The following FLG variants were observed in gnomAD, a reference collection of about 807,000 sequenced individuals.
FLG encodes the protein filaggrin, also known as epidermal filaggrin.
Under a neutral mutation model 3.8 loss-of-function variants are expected in FLG, and 6 were observed. The observed-to-expected ratio is 1.60, with a 90% CI of 0.87 to 3.15. The LOEUF (loss-of-function observed/expected upper bound fraction) is 3.15. Among genes scored for constraint, FLG ranks in the 30% most tolerant of loss-of-function variants. The pLI, the probability that FLG is intolerant of heterozygous loss-of-function variation, is 0.00. For missense variants in FLG, 7,595 were observed against 5,050.9 expected, an observed-to-expected ratio of 1.50 and a Z score of -15.27; for synonymous variants, 2,551 against 1,931.6, an observed-to-expected ratio of 1.32 and a Z score of -8.41.
chr1:152,309,309 T>A lies in FLG; in HGVS notation c.5577A>T (p.Ser1859=). 6.2e-7 allele frequency: 1 copy of A among 1,613,836 alleles called. No individual in the cohort carries two copies. The highest frequency in any genetic ancestry group is 8.5e-7 in the Non-Finnish European group (1 of 1,179,960). ...TTTGTCTGCTGACACTTCTGGATCC[T>A]GACTGCCCACGGGAGACATCAGACC... ...QERSDVSRGQ[S]GSRSVSRQTR... is the part of the protein sequence containing the mutation. Residue 1859 remains serine, a synonymous_variant, in exon 3 of 3, where the codon TCA becomes TCT. Coordinates refer to ENST00000368799, the MANE Select transcript of FLG (RefSeq NM_002016.2).
chr1:152,308,343 A>G lies in FLG; in HGVS notation c.6543T>C (p.Arg2181=), dbSNP rs1373048142. ...TTGCACTTCTGGATCCTGACTGCCC[A>G]CGGGAGGCATCAGACCTTCCCTGGG... The part of the protein sequence containing the change: ...TTSQGRSDAS[R]GQSGSRSASR... Residue 2181 remains arginine (R), a synonymous_variant, in exon 3 of 3, where the codon CGT becomes CGC. Coordinates refer to ENST00000368799, the MANE Select transcript of FLG (RefSeq NM_002016.2). 2 of 1,613,252 alleles carry G rather than the reference A, an allele frequency of 1.2e-6. No individual in the cohort carries two copies. The highest frequency in any genetic ancestry group is 1.7e-6 in the Non-Finnish European group (2 of 1,179,808).
Position 152,308,974 on chromosome 1 carries a change from G to A in FLG, c.5912C>T (p.Ala1971Val). 1 of 1,614,130 alleles carries A rather than the reference G, an allele frequency of 6.2e-7. No individual in the cohort carries two copies. The highest frequency in any genetic ancestry group is 1.3e-5 in the African/African-American group (1 of 75,046). The change falls in exon 3 of 3, where the codon GCA (alanine) becomes GTA (valine). Residue 1971 changes from alanine (A) to valine (V), a missense_variant. Coordinates refer to ENST00000368799, the MANE Select transcript of FLG (RefSeq NM_002016.2). ...AGTGCCTGATTGTCTGGAGCTGTCT[G>A]CAGAGTGCCCGTGACCGGCTCTGTC... Reference protein sequence around the residue: ...HEDRAGHGHSADSSRQSGTRH... With the variant: ...HEDRAGHGHSVDSSRQSGTRH...
intron 1 of FLG, among the ~76,000 whole-genome samples, chr1:152,318,510 T>C (rs570679777): frequency 2.0e-5 from 3 of 151,964 alleles, no homozygotes; most frequent in African/African-American, 7.2e-5. Flanking sequence ...TACTAACCTC[T>C]CTTCTACTCA....
At position 152,308,401 on chromosome 1, in the gene FLG, C is replaced by G. The variant is rs748258789; in HGVS notation, c.6485G>C (p.Gly2162Ala). 43 of 1,613,876 alleles carry G rather than the reference C, an allele frequency of 2.7e-5. No individual in the cohort carries two copies. In the South Asian group the frequency reaches 4.3e-4, roughly 16 times the overall value. Residue 2162 changes from glycine (G) to alanine (A), a missense_variant, in exon 3 of 3, where the codon GGA (glycine) becomes GCA (alanine). By Grantham distance (60) the Gly-to-Ala change is moderately conservative (BLOSUM62 0). Transcript: ENST00000368799. Reference sequence around the variant, plus strand: ...GTGGCTGTGATGAGACCCTGAGTGTCCAGACCTATCTACCGATTGCTCTTG... The same window carrying G: ...GTGGCTGTGATGAGACCCTGAGTGTGCAGACCTATCTACCGATTGCTCTTG... ...SHQEQSVDRSGHSGSHHSHTT... is the reference protein window; with the variant it reads ...SHQEQSVDRSAHSGSHHSHTT...
chr1:152,323,698 T>C (rs1653053444), intron 1 of FLG, among the ~76,000 whole-genome samples: 1 of 151,576 alleles, frequency 6.6e-6, no homozygotes, highest in Admixed American at 6.6e-5. Flanking sequence ...TTTTATGTAC[T>C]GCTGGAGGCA....
At position 152,309,913 on chromosome 1, in the gene FLG, G is replaced by T. The variant is rs1337387965; in HGVS notation, c.4973C>A (p.Ala1658Glu). ...AGCCTGTCCACCAGAGGAAGTCTCT[G>T]CATGACGAGTGCCTGATTGTCTGGA... ...ESSRQSGTRH[A>E]ETSSGGQAAS... The change falls in exon 3 of 3, where the codon GCA becomes GAA. Residue 1658 changes from alanine to glutamate, a missense_variant. Physicochemically the swap from Ala to Glu is moderately radical, Grantham distance 107. Coordinates refer to ENST00000368799, the MANE Select transcript of FLG (RefSeq NM_002016.2). 1 of 1,614,122 alleles carries T rather than the reference G, an allele frequency of 6.2e-7. No homozygotes were observed. The highest frequency in any genetic ancestry group is 8.5e-7 in the Non-Finnish European group (1 of 1,180,032).
rs138381300 is a variant in FLG at position 152,312,600 on chromosome 1, C to A, written c.2286G>T (p.Val762=). 8 of 1,613,684 alleles carry A rather than the reference C, an allele frequency of 5.0e-6. No homozygotes were observed. Among genetic ancestry groups the A allele is most frequent in the African/African-American group, 2.7e-5 (2 of 74,750 alleles). Residue 762 remains valine, a synonymous_variant, in exon 3 of 3, where the codon GTG becomes GTT. Transcript: ENST00000368799. ...GHSEDSDTQS[V]SGHGQAGHHQ... is the part of the protein sequence containing the mutation. ...GGTGACCAGCCTGTCCATGGCCTGA[C>A]ACTGACTGTGTGTCTGAGTCTTCTG...
intron 1 of FLG, 75 bp from the exon 2 acceptor site, chr1:152,315,552 C>T (rs1652759862): frequency 4.2e-6 from 5 of 1,178,436 alleles, no homozygotes; most frequent in South Asian, 4.2e-5. Flanking sequence ...TCATTTTCCA[C>T]ATTTTAAACC....
Position 152,314,698 on chromosome 1 carries a change from A to G in FLG, c.188T>C (p.Ile63Thr), listed in dbSNP as rs759395508. ...MVDVFMDHLDIDHNKKIDFTE... is the reference protein window; with the variant it reads ...MVDVFMDHLDTDHNKKIDFTE... ...GAAGTCAATTTTCTTGTTGTGGTCT[A>G]TATCCAAGTGATCCATGAAGACATC... is the stretch of plus-strand genomic sequence containing the variant. The change falls in exon 3 of 3, where the codon ATA becomes ACA. Residue 63 changes from isoleucine to threonine, a missense_variant. Physicochemically the swap from Ile to Thr is moderately conservative, Grantham distance 89. Coordinates refer to ENST00000368799, the MANE Select transcript of FLG (RefSeq NM_002016.2). 3.1e-6 allele frequency: 5 copies of G among 1,613,894 alleles called. No individual in the cohort carries two copies. Among genetic ancestry groups the G allele is most frequent in the Non-Finnish European group, 4.2e-6 (5 of 1,179,924 alleles).
At position 152,312,737 on chromosome 1, in the gene FLG, C is replaced by G. The variant is rs746879739; in HGVS notation, c.2149G>C (p.Ala717Pro). 3 of 1,614,026 alleles carry G rather than the reference C, an allele frequency of 1.9e-6. No homozygotes were observed. Among genetic ancestry groups the G allele is most frequent in the Non-Finnish European group, 2.5e-6 (3 of 1,180,034 alleles). The stretch of plus-strand genomic sequence containing the variant: ...GTGCCTGAGTGTCTGGAGCTGTCTG[C>G]TGACTGGAGCTGGTGGCGGGATCCA... ...RHGSRHQLQSADSSRHSGTGH... is the reference protein window; with the variant it reads ...RHGSRHQLQSPDSSRHSGTGH... Residue 717 changes from alanine to proline, a missense_variant, in exon 3 of 3, where the codon GCA becomes CCA. By Grantham distance (27) the Ala-to-Pro change is conservative. Coordinates refer to ENST00000368799, the MANE Select transcript of FLG (RefSeq NM_002016.2).
Position 152,309,536 on chromosome 1 carries a change from G to A in FLG, c.5350C>T (p.Pro1784Ser). 6.2e-7 allele frequency: 1 copy of A among 1,613,784 alleles called. No homozygotes were observed. Among genetic ancestry groups the A allele is most frequent in the Non-Finnish European group, 8.5e-7 (1 of 1,179,948 alleles). Reference protein sequence around the residue: ...QSESAHGRTGPSTGGRQRSRH... With the variant: ...QSESAHGRTGSSTGGRQRSRH... ...GATCTTTGTCTTCCTCCAGTGCTGG[G>A]CCCTGTGCGTCCATGGGCGGACTCA... Residue 1784 changes from proline (P) to serine (S), a missense_variant, in exon 3 of 3, where the codon CCC becomes TCC. Physicochemically the swap from Pro to Ser is moderately conservative, Grantham distance 74. Transcript: ENST00000368799.
rs749546444 is a variant in FLG, at chr1:152,311,960, C to G, written c.2926G>C (p.Glu976Gln). ...TGTCTGGAGCCATGTCTTGACTGCTCCTGAGCAGATCCACGATGGTTTCTG... is the reference window on the plus strand; with the variant it reads ...TGTCTGGAGCCATGTCTTGACTGCTGCTGAGCAGATCCACGATGGTTTCTG... ...ASRNHRGSAQ[E>Q]QSRHGSRHPR... The change falls in exon 3 of 3, where the codon GAG becomes CAG. Residue 976 changes from glutamate to glutamine, a missense_variant. By Grantham distance (29) the Glu-to-Gln change is conservative. Transcript: ENST00000368799. 14 of 1,614,062 alleles carry G rather than the reference C, an allele frequency of 8.7e-6. No individual in the cohort carries two copies. In the East Asian group the frequency reaches 2.7e-4, roughly 31 times the overall value.
At position 152,306,257 on chromosome 1, in the gene FLG, G is replaced by C. The variant is rs1374537916; in HGVS notation, c.8629C>G (p.Gln2877Glu). The change falls in exon 3 of 3, where the codon CAA (glutamine) becomes GAA (glutamate). Residue 2877 changes from glutamine to glutamate, a missense_variant. By Grantham distance (29) the Gln-to-Glu change is conservative. Transcript: ENST00000368799. ...ISRHSQAVQG[Q>E]SEGSRRSRRQ... is the part of the protein sequence containing the mutation. ...CTGCTTCTCCTGGACCCCTCTGATT[G>C]TCCCTGGACTGCCTGTGAGTGTCTA... 1 of 1,605,182 alleles carries C rather than the reference G, an allele frequency of 6.2e-7. No individual in the cohort carries two copies. The highest frequency in any genetic ancestry group is 2.2e-5 in the East Asian group (1 of 44,890).
rs141653633 is a variant in FLG at position 152,309,164 on chromosome 1, G to A, written c.5722C>T (p.Pro1908Ser). The change falls in exon 3 of 3, where the codon CCC becomes TCC. Residue 1908 changes from proline to serine, a missense_variant. Coordinates refer to ENST00000368799, the MANE Select transcript of FLG (RefSeq NM_002016.2). ...SQVGQGQSSG[P>S]RTSRNQGSSV... ...GATCCCTGGTTCCTGCTTGTCCTGG[G>A]CCCTGATGATTGTCCCTGGCCCACC... 1,727 of 1,613,146 alleles carry A rather than the reference G, an allele frequency of 1.1e-3. 18 individuals are homozygous for A. The African/African-American group carries it at 0.019, about 18-fold the overall frequency.
chr1:152,312,153 T>A lies in FLG; in HGVS notation c.2733A>T (p.Ser911=). Residue 911 remains serine (S), a synonymous_variant, in exon 3 of 3, where the codon TCA becomes TCT. Transcript: ENST00000368799. ...QSRDGSRHSG[S]RHHEASSHAD... is the part of the protein sequence containing the mutation. ...CATGAGAGGAAGCTTCATGGTGACG[T>A]GACCCTGAGTGCCTGGAGCCGTCTC... 1 of 1,596,602 alleles carries A rather than the reference T, an allele frequency of 6.3e-7. No individual in the cohort carries two copies. The highest frequency in any genetic ancestry group is 8.5e-7 in the Non-Finnish European group (1 of 1,177,890).
chr1:152,309,792 C>A lies in FLG; in HGVS notation c.5094G>T (p.Gly1698=), dbSNP rs758153809. 1.2e-5 allele frequency: 20 copies of A among 1,613,934 alleles called. No individual in the cohort carries two copies. The South Asian group carries it at 2.1e-4, about 17-fold the overall frequency. ...CGACTACAGATGAATCTTGTCTGCG[C>A]CCAGTGCCTGAGTCTGTGGAGCTGT... The part of the protein sequence containing the change: ...SADSSTDSGT[G]RRQDSSVVGD... The change falls in exon 3 of 3, where the codon GGG becomes GGT. Residue 1698 remains glycine (G), a synonymous_variant. Transcript: ENST00000368799.
rs148776256 is a variant in FLG at position 152,302,781 on chromosome 1, G to T, written c.12105C>A (p.Asp4035Glu). 1.9e-6 allele frequency: 3 copies of T among 1,613,974 alleles called. No individual in the cohort carries two copies. The highest frequency in any genetic ancestry group is 1.1e-5 in the South Asian group (1 of 91,086). The change falls in exon 3 of 3, where the codon GAC becomes GAA. Residue 4035 changes from aspartate (D) to glutamate (E), a missense_variant. By Grantham distance (45) the Asp-to-Glu change is conservative. Transcript: ENST00000368799. ...PRYYATYINK[D>E]PGLCGHSSDI... ...CACTAGAATGGCCACATAAACCTGG[G>T]TCCTTATTAATATACGTTGCATAAT...
Position 152,311,403 on chromosome 1 carries a change from A to G in FLG, c.3483T>C (p.Gly1161=). ...CCGGGTGTGCACGAATGGTGTCCTG[A>G]CCCTCTTGGGACGCTGAGTGCCTGG... The part of the protein sequence containing the change: ...DSSRHSASQE[G]QDTIRAHPGS... Residue 1161 remains glycine, a synonymous_variant, in exon 3 of 3, where the codon GGT becomes GGC. Coordinates refer to ENST00000368799, the MANE Select transcript of FLG (RefSeq NM_002016.2). 6.2e-7 allele frequency: 1 copy of G among 1,612,466 alleles called. No individual in the cohort carries two copies. The highest frequency in any genetic ancestry group is 8.5e-7 in the Non-Finnish European group (1 of 1,179,698).
chr1:152,310,557 G>A lies in FLG; in HGVS notation c.4329C>T (p.Tyr1443=). Reference sequence around the variant, plus strand: ...CAGACTGTTCATGAGAGCTCACCTGGTAGAGGAAAGACCTTGAACGTCCAG... The same window carrying A: ...CAGACTGTTCATGAGAGCTCACCTGATAGAGGAAAGACCTTGAACGTCCAG... ...ESSGRSRSFL[Y]QVSSHEQSES... is the part of the protein sequence containing the mutation. The change falls in exon 3 of 3, where the codon TAC becomes TAT. Residue 1443 remains tyrosine, a synonymous_variant. Coordinates refer to ENST00000368799, the MANE Select transcript of FLG (RefSeq NM_002016.2). The A allele has an allele frequency of 6.2e-7, 1 of 1,613,796 alleles. No homozygotes were observed.
Sources: allele counts gnomAD v4.1 joint callset (sites outside exome capture counted in the v4.1 genomes callset), GRCh38; gene constraint gnomAD v4.1.1; transcripts MANE v1.5; gene names NCBI Gene and HGNC (gene_info 2026-07-23, HGNC 2026-07-21).